The following AEBP2 variants were observed in gnomAD, a reference collection of about 807,000 sequenced individuals.
AEBP2 encodes the protein AE binding protein 2.
In AEBP2, 10 loss-of-function variants were observed where a neutral mutation model predicts 50.8. The ratio of observed to expected loss-of-function variants is 0.20; its 90% CI spans 0.12 to 0.33. The LOEUF (loss-of-function observed/expected upper bound fraction) is 0.33. Among genes scored for constraint, AEBP2 ranks in the 10% least tolerant of loss-of-function variants. The pLI is 1.00. For synonymous variants in AEBP2, 296 were observed against 261.3 expected (o/e 1.13, Z -1.28); for missense variants, 570 against 688.0 (o/e 0.83, Z 1.92).
intron 1 of AEBP2, among the ~76,000 whole-genome samples, chr12:19,415,316 CAAAAAAAAAAAAAA>C (rs869125193): frequency 7.1e-4 from 42 of 59,524 alleles, no homozygotes; most frequent in African/African-American, 2.8e-3. Context: ...GACCCTGTCT[CAAAAAAAAAAAAAA>C]AAAAAAAAAA....
In AEBP2 at chr12:19,518,354, A is replaced by G; in HGVS notation, c.*237A>G. ...TATATCCACATTTTCATGGAATGGT[A>G]CTGTGGGAGACTGAGCAAACACTCT... On this transcript the variant is annotated 3_prime_UTR_variant, in exon 8 of 8. Transcript: ENST00000266508. 2 of 1,235,534 alleles carry G rather than the reference A, an allele frequency of 1.6e-6. No homozygotes were observed. Among genetic ancestry groups the G allele is most frequent in the Non-Finnish European group, 2.0e-6 (2 of 988,380 alleles). 76.5% of individuals were successfully genotyped at this position (1,235,534 alleles called of 1,614,324 possible). A position where few individuals can be genotyped will look rare whatever the true frequency, so the allele number is the denominator to read the frequency against.
At chr12:19,448,623 ATT>A (rs1948115636) in intron 1 of AEBP2, among the ~76,000 whole-genome samples, 1 of 152,122 alleles carries the variant, frequency 6.6e-6, no homozygotes, top group African/African-American at 2.4e-5. Flanking sequence ...CTGATTGCAT[ATT>A]TCTTTCTCAG....
At chr12:19,437,837 A>G (rs2153365629), upstream of AEBP2, among the ~76,000 whole-genome samples, 1 of 152,324 alleles carries the variant, frequency 6.6e-6, no homozygotes, top group South Asian at 2.1e-4. Flanking sequence ...ACAGTTGTCC[A>G]AAGGCCTAAG....
At chr12:19,424,972 G>A (rs1363865079) in intron 1 of AEBP2, among the ~76,000 whole-genome samples, 1 of 152,112 alleles carries the variant, frequency 6.6e-6, no homozygotes, top group Non-Finnish European at 1.5e-5. Context: ...TTGAGCCACT[G>A]CACTCTAGCC....
intron 7 of AEBP2, among the ~76,000 whole-genome samples, chr12:19,516,340 A>G (rs1949317848): frequency 6.6e-6 from 1 of 152,150 alleles, no homozygotes; most frequent in Non-Finnish European, 1.5e-5. Flanking sequence ...TAAAAGAGTG[A>G]TATTTTGGGA....
chr12:19,421,626 A>C (rs1416449075), intron 1 of AEBP2, among the ~76,000 whole-genome samples: 1 of 152,224 alleles, frequency 6.6e-6, no homozygotes, highest in Non-Finnish European at 1.5e-5. Flanking sequence ...TGTCTCAAAA[A>C]AATAAAACAA....
At chr12:19,451,647 G>A (rs540845101) in intron 1 of AEBP2, among the ~76,000 whole-genome samples, 7 of 151,876 alleles carry the variant, frequency 4.6e-5, no homozygotes, top group African/African-American at 1.7e-4. Context: ...ATAATAAGAG[G>A]AGTTAAGGAT....
At chr12:19,408,084 G>T (rs1332317813) in intron 1 of AEBP2, among the ~76,000 whole-genome samples, 1 of 150,824 alleles carries the variant, frequency 6.6e-6, no homozygotes, top group African/African-American at 2.4e-5. Context: ...ATGTAAGGAA[G>T]ATGTTTCTGT....
At chr12:19,440,866 T>C (rs1947945318) in intron 1 of AEBP2, 4 of 1,093,810 alleles carry the variant, frequency 3.7e-6, no homozygotes, top group Non-Finnish European at 2.6e-6. Flanking sequence ...TTTCTCTACT[T>C]AAACAAAAAA....
At chr12:19,491,698 A>G (rs1233045867) in intron 3 of AEBP2, among the ~76,000 whole-genome samples, 1 of 151,672 alleles carries the variant, frequency 6.6e-6, no homozygotes, top group Non-Finnish European at 1.5e-5. Context: ...AATGGATACC[A>G]TATAAGAAGA....
intron 1 of AEBP2, among the ~76,000 whole-genome samples, chr12:19,420,328 ATT>A (rs780103252): frequency 1.3e-5 from 1 of 76,568 alleles, no homozygotes; most frequent in African/African-American, 5.5e-5. Flanking sequence ...TGTGCTGACC[ATT>A]TTTTTTTTTT....
chr12:19,416,012 G>C (rs920641835), intron 1 of AEBP2, among the ~76,000 whole-genome samples: 2 of 152,098 alleles, frequency 1.3e-5, no homozygotes, highest in Non-Finnish European at 2.9e-5. Flanking sequence ...AGGAGACACT[G>C]TCTCTACAAA....
intron 1 of AEBP2, among the ~76,000 whole-genome samples, chr12:19,408,110 T>C (rs1416276957): frequency 1.3e-5 from 2 of 152,124 alleles, no homozygotes; most frequent in Admixed American, 1.3e-4. Context: ...TATGCTGTTC[T>C]TTTTGTAAGG....
chr12:19,425,629 C>T (rs938198719), intron 1 of AEBP2, among the ~76,000 whole-genome samples: 15 of 151,752 alleles, frequency 9.9e-5, no homozygotes, highest in African/African-American at 9.7e-5. Context: ...CAAAATTAGC[C>T]GGGTATGATG....
chr12:19,463,871 G>A (rs2153370508), intron 2 of AEBP2, among the ~76,000 whole-genome samples: 1 of 151,910 alleles, frequency 6.6e-6, no homozygotes, highest in East Asian at 1.9e-4. Context: ...TTGCCATGTT[G>A]GCCAGGCTGG....
intron 3 of AEBP2, among the ~76,000 whole-genome samples, chr12:19,479,208 A>G (rs991387368): frequency 6.6e-6 from 1 of 152,284 alleles, no homozygotes; most frequent in Admixed American, 6.5e-5. Flanking sequence ...AAAAAAAAGT[A>G]TATTCTGCAG....
chr12:19,478,047 C>T lies in AEBP2; in HGVS notation c.987+4692C>T, dbSNP rs545474684. On this transcript the variant is annotated intron_variant, in intron 3 of 7. Coordinates refer to ENST00000266508, the MANE Select transcript of AEBP2 (RefSeq NM_153207.5). ...GGTTGTAATATCTTTTGTTTTGTTT[C>T]TAATTGGGCTTATTTAGATATCGTT... Among the ~76,000 whole-genome samples the T allele has an allele frequency of 3.9e-5, 6 of 152,254 alleles. No homozygotes were observed. The East Asian group carries it at 7.7e-4, about 20-fold the overall frequency.
intron 1 of AEBP2, among the ~76,000 whole-genome samples, chr12:19,442,134 G>A (rs2467115): frequency 1.2e-4 from 18 of 152,262 alleles, no homozygotes; most frequent in Middle Eastern, 3.4e-3. Context: ...GAGGCCGGGC[G>A]CGGTGGCTCA....
At chr12:19,469,728 C>T (rs1215408008) in intron 2 of AEBP2, among the ~76,000 whole-genome samples, 1 of 152,162 alleles carries the variant, frequency 6.6e-6, no homozygotes, top group African/African-American at 2.4e-5. Flanking sequence ...ATTCTACGCA[C>T]AAGTCACTGT....
Sources: allele counts gnomAD v4.1 joint callset (sites outside exome capture counted in the v4.1 genomes callset), GRCh38; gene constraint gnomAD v4.1.1; transcripts MANE v1.5; gene names NCBI Gene and HGNC (gene_info 2026-07-23, HGNC 2026-07-21).